Variants in MIPEP observed in about 807,000 individuals in gnomAD.
The protein encoded by MIPEP is mitochondrial intermediate peptidase.
In MIPEP, 79 loss-of-function variants were observed where a neutral mutation model predicts 90.3. That is an observed-to-expected ratio of 0.87 (90% CI 0.73 to 1.05). MIPEP has a LOEUF of 1.05. Ranked by LOEUF, MIPEP falls within the 50% of genes least tolerant of loss-of-function variation. The pLI is 0.00. For synonymous variants in MIPEP, 334 were observed against 315.8 expected, an observed-to-expected ratio of 1.06 and a Z score of -0.61; for missense variants, 940 against 905.6, an observed-to-expected ratio of 1.04 and a Z score of -0.49.
intron 18 of MIPEP, among the ~76,000 whole-genome samples, chr13:23,750,086 A>AATT (rs1952425296): frequency 6.6e-6 from 1 of 152,142 alleles, no homozygotes; most frequent in African/African-American, 2.4e-5. Flanking sequence ...TTTGTTTTTA[A>AATT]TTAAATTTTA....
intron 5 of MIPEP, among the ~76,000 whole-genome samples, chr13:23,873,503 T>C (rs1303205588): frequency 4.6e-5 from 7 of 152,116 alleles, no homozygotes; most frequent in South Asian, 4.1e-4. Context: ...CCAGGAATAA[T>C]AGTAGCACCA....
chr13:23,866,853 C>A (rs987662297), intron 7 of MIPEP, among the ~76,000 whole-genome samples: 1 of 152,194 alleles, frequency 6.6e-6, no homozygotes, highest in Non-Finnish European at 1.5e-5. Context: ...TCAAACTTAA[C>A]TTGAAACAAA....
intron 3 of MIPEP, among the ~76,000 whole-genome samples, chr13:23,880,680 C>T (rs1185134400): frequency 6.6e-6 from 1 of 152,214 alleles, no homozygotes; most frequent in African/African-American, 2.4e-5. Context: ...CCAGTATCTG[C>T]ACTCTGCAGG....
intron 10 of MIPEP, among the ~76,000 whole-genome samples, chr13:23,854,958 C>A (rs9507174): frequency 0.47 from 70,661 of 151,282 alleles, 16,973 homozygotes; most frequent in South Asian, 0.56. Context: ...AAATGAAATA[C>A]TGAAACTCAT....
intron 9 of MIPEP, among the ~76,000 whole-genome samples, chr13:23,862,085 A>G (rs1289013702): frequency 6.6e-6 from 1 of 152,194 alleles, no homozygotes; most frequent in African/African-American, 2.4e-5. Context: ...TATACATAAA[A>G]TATGTCGACT....
intron 15 of MIPEP, among the ~76,000 whole-genome samples, chr13:23,806,667 C>A (rs1953111052): frequency 6.6e-6 from 1 of 150,454 alleles, no homozygotes; most frequent in African/African-American, 2.4e-5. Context: ...GAGACTCCGT[C>A]TCAAAAAAAA....
At chr13:23,873,252 C>T (rs529447005) in intron 5 of MIPEP, among the ~76,000 whole-genome samples, 3 of 152,318 alleles carry the variant, frequency 2.0e-5, no homozygotes, top group South Asian at 4.1e-4. Context: ...GGCTGACAGC[C>T]GGAGCACAGC....
At chr13:23,849,346 GCTTCAGTGC>G (rs1359996747) in intron 10 of MIPEP, among the ~76,000 whole-genome samples, 1 of 152,190 alleles carries the variant, frequency 6.6e-6, no homozygotes, top group Non-Finnish European at 1.5e-5. Flanking sequence ...TGAGGATTTG[GCTTCAGTGC>G]CATCCCTGTC....
intron 2 of MIPEP, among the ~76,000 whole-genome samples, chr13:23,882,071 C>CT (rs553989994): frequency 2.8e-3 from 274 of 98,484 alleles, no homozygotes; most frequent in South Asian, 0.012. Context: ...TTCTTTCTTT[C>CT]TTTTTTTTTT....
At chr13:23,760,305 G>T (rs1331604491) in intron 16 of MIPEP, 88 bp from the exon 17 acceptor site, 3 of 1,560,568 alleles carry the variant, frequency 1.9e-6, no homozygotes, top group Middle Eastern at 1.7e-4. Context: ...GAGACACAGA[G>T]AGACCCGTAA....
Position 23,809,891 on chromosome 13 carries a change from C to T in MIPEP, c.1687G>A (p.Glu563Lys). The T allele has an allele frequency of 6.2e-7, 1 of 1,613,558 alleles. No homozygotes were observed. The highest frequency in any genetic ancestry group is 8.5e-7 in the Non-Finnish European group (1 of 1,179,714). ...GCTGCAGCACAAACCTTTTTAGATT[C>T]ACAAAGACGAGACACCATATTTTTT... ...LPKNMVSRLC[E>K]SKKVCAAADM... The change falls in exon 15 of 19, where the codon GAA (glutamate) becomes AAA (lysine). Residue 563 changes from glutamate (E) to lysine (K), a missense_variant. By Grantham distance (56) the Glu-to-Lys change is moderately conservative. Coordinates refer to ENST00000382172, the MANE Select transcript of MIPEP (RefSeq NM_005932.4).
rs925116385 is a variant in MIPEP, at chr13:23,762,142, A to T, written c.1849-1925T>A. ...TCTGTCTCAAAAAATAATAATAATTAAAAAATAAATAAACAACTTTTTTAA... is the reference window on the plus strand; with the variant it reads ...TCTGTCTCAAAAAATAATAATAATTTAAAAATAAATAAACAACTTTTTTAA... On this transcript the variant is annotated intron_variant, in intron 16 of 18. Transcript: ENST00000382172. 9.2e-5 allele frequency among the ~76,000 whole-genome samples: 14 copies of T among 151,522 alleles called. No individual in the cohort carries two copies. The South Asian group carries it at 1.0e-3, about 11-fold the overall frequency.
intron 16 of MIPEP, among the ~76,000 whole-genome samples, chr13:23,795,822 T>C (rs1266893886): frequency 8.7e-6 from 1 of 114,924 alleles, no homozygotes; most frequent in Non-Finnish European, 1.9e-5. Context: ...AAACCTCATC[T>C]CTACCAAAAA....
intron 18 of MIPEP, among the ~76,000 whole-genome samples, chr13:23,736,027 C>T (rs1009711268): frequency 6.6e-6 from 1 of 152,014 alleles, no homozygotes; most frequent in South Asian, 2.1e-4. Flanking sequence ...TTAAAGCTGA[C>T]AAAGATGTCC....
chr13:23,799,791 C>T (rs7996675), intron 16 of MIPEP, among the ~76,000 whole-genome samples: 55,839 of 152,124 alleles, frequency 0.37, 11,097 homozygotes, highest in Admixed American at 0.5. Context: ...GACCAAATAT[C>T]AACATATCCT....
intron 16 of MIPEP, among the ~76,000 whole-genome samples, chr13:23,794,399 C>A (rs1056065615): frequency 2.0e-5 from 3 of 152,134 alleles, no homozygotes; most frequent in Admixed American, 2.0e-4. Context: ...GCTAACGCTG[C>A]CTTAACTCCC....
chr13:23,889,076 G>C, intron 1 of MIPEP, 56 bp downstream of exon 1: 2 of 1,336,248 alleles, frequency 1.5e-6, no homozygotes, highest in Non-Finnish European at 1.9e-6. Context: ...CTGGCCGCGC[G>C]GAGCAGGGGT....
intron 14 of MIPEP, among the ~76,000 whole-genome samples, chr13:23,834,127 C>A (rs933427558): frequency 2.0e-5 from 3 of 152,124 alleles, no homozygotes; most frequent in Non-Finnish European, 2.9e-5. Context: ...GCCACGCGCC[C>A]GGGATGAGGG....
intron 16 of MIPEP, among the ~76,000 whole-genome samples, chr13:23,765,353 T>C (rs974888196): frequency 6.6e-6 from 1 of 152,198 alleles, no homozygotes; most frequent in African/African-American, 2.4e-5. Flanking sequence ...CATAATTACA[T>C]ATTTTGAGAG....
Sources: allele counts gnomAD v4.1 joint callset (sites outside exome capture counted in the v4.1 genomes callset), GRCh38; gene constraint gnomAD v4.1.1; transcripts MANE v1.5; gene names NCBI Gene and HGNC (gene_info 2026-07-23, HGNC 2026-07-21).